ZDHHC13: variants seen among roughly 807,000 people sequenced by gnomAD.
ZDHHC13 encodes zDHHC palmitoyltransferase 13.
In ZDHHC13, 85 loss-of-function variants were observed where a neutral mutation model predicts 86.0. The observed-to-expected ratio is 0.99, with a 90% CI of 0.83 to 1.18. The LOEUF (loss-of-function observed/expected upper bound fraction) is 1.18, where lower values mean the gene tolerates loss of function less well. Ranked by LOEUF, ZDHHC13 falls within the 50% of genes most tolerant of loss-of-function variation. The pLI is 0.00. For missense variants in ZDHHC13, 711 were observed against 730.2 expected (o/e 0.97, Z 0.30); for synonymous variants, 263 against 246.4 (o/e 1.07, Z -0.63).
chr11:19,147,482 A>G (rs1056408696), intron 3 of ZDHHC13, 114 bp from the exon 4 acceptor site: 3 of 850,840 alleles, frequency 3.5e-6, no homozygotes, highest in African/African-American at 1.7e-5. Flanking sequence ...AGGGATTATT[A>G]CTATCATAAT....
chr11:19,148,406 A>G (rs1276672001), intron 4 of ZDHHC13, among the ~76,000 whole-genome samples: 2 of 152,014 alleles, frequency 1.3e-5, no homozygotes, highest in African/African-American at 4.8e-5. Flanking sequence ...AGTACTTTAC[A>G]TGAAAAATGA....
chr11:19,135,502 G>C (rs1849112889), intron 1 of ZDHHC13, among the ~76,000 whole-genome samples: 2 of 152,060 alleles, frequency 1.3e-5, no homozygotes, highest in Admixed American at 6.5e-5. Flanking sequence ...GGGGAGGGGC[G>C]CCCGCCATTG....
chr11:19,137,016 C>G (rs1849161363), intron 1 of ZDHHC13, among the ~76,000 whole-genome samples: 1 of 151,558 alleles, frequency 6.6e-6, no homozygotes, highest in East Asian at 1.9e-4. Flanking sequence ...AACTAACGAG[C>G]AAAATAACCA....
Position 19,163,276 on chromosome 11 carries a change from T to C in ZDHHC13, c.1109-27T>C, listed in dbSNP as rs1379880413. 5 of 1,557,620 alleles carry C rather than the reference T, an allele frequency of 3.2e-6. No homozygotes were observed. In the Admixed American group the frequency reaches 8.8e-5, roughly 27 times the overall value. On this transcript the variant is annotated intron_variant, in intron 10 of 16. Transcript: ENST00000446113. ...AATTACATTATTTTTAAAGGAAGTT[T>C]GGTGTATTCCTTAACTTGGCTTTAA...
intron 9 of ZDHHC13, among the ~76,000 whole-genome samples, chr11:19,156,345 T>C (rs552345932): frequency 2.6e-5 from 4 of 152,174 alleles, no homozygotes; most frequent in Non-Finnish European, 4.4e-5. Context: ...TTTAGTTGAG[T>C]TAAATTGTGA....
At chr11:19,130,463 A>G (rs1196226461) in intron 1 of ZDHHC13, among the ~76,000 whole-genome samples, 2 of 152,270 alleles carry the variant, frequency 1.3e-5, no homozygotes, top group African/African-American at 4.8e-5. Context: ...AAACTGATCA[A>G]AGGTTTATCA....
chr11:19,147,248 G>A (rs1421842353), intron 3 of ZDHHC13, among the ~76,000 whole-genome samples: 1 of 152,130 alleles, frequency 6.6e-6, no homozygotes, highest in East Asian at 1.9e-4. Context: ...TTCCAGTCAA[G>A]TAAGAATATC....
At chr11:19,147,772 TCCCC>T in intron 4 of ZDHHC13, 99 bp downstream of exon 4, 1 of 406,044 alleles carries the variant, frequency 2.5e-6, no homozygotes, top group Non-Finnish European at 4.0e-6. Flanking sequence ...TGTCTTTTCT[TCCCC>T]CCCCCCCTTT....
At chr11:19,168,697 A>G (rs1447845351) in intron 14 of ZDHHC13, 1 of 571,002 alleles carries the variant, frequency 1.8e-6, no homozygotes, top group Non-Finnish European at 2.2e-6. Context: ...ATGAGGCCTC[A>G]CTGTCATCCC....
chr11:19,127,857 A>G (rs1357800892), intron 1 of ZDHHC13, among the ~76,000 whole-genome samples: 2 of 152,086 alleles, frequency 1.3e-5, no homozygotes, highest in Non-Finnish European at 1.5e-5. Flanking sequence ...TTGTAGTGCT[A>G]TAGTATCGTT....
At chr11:19,127,554 G>GT (rs1017222474) in intron 1 of ZDHHC13, among the ~76,000 whole-genome samples, 2 of 151,980 alleles carry the variant, frequency 1.3e-5, no homozygotes, top group African/African-American at 4.8e-5. Context: ...TATGTCCTAG[G>GT]TTTTTTTCTA....
chr11:19,139,165 C>T (rs1849235054), intron 1 of ZDHHC13, among the ~76,000 whole-genome samples: 1 of 151,860 alleles, frequency 6.6e-6, no homozygotes, highest in South Asian at 2.1e-4. Flanking sequence ...CTAGAAAACC[C>T]CATTGTCTCA....
chr11:19,169,297 G>C (rs1334393607), intron 14 of ZDHHC13: 1 of 985,316 alleles, frequency 1.0e-6, no homozygotes, highest in Non-Finnish European at 1.2e-6. Flanking sequence ...ATCCTAATGA[G>C]ATGCTCTAGA....
chr11:19,147,524 A>C (rs903251605), intron 3 of ZDHHC13, 72 bp from the exon 4 acceptor site: 12 of 1,318,500 alleles, frequency 9.1e-6, no homozygotes, highest in Non-Finnish European at 1.3e-5. Flanking sequence ...ACTATGAAAA[A>C]ATTAGTATTT....
At chr11:19,137,150 G>A (rs1202102857) in intron 1 of ZDHHC13, among the ~76,000 whole-genome samples, 2 of 152,140 alleles carry the variant, frequency 1.3e-5, no homozygotes, top group African/African-American at 4.8e-5. Flanking sequence ...AGACCCATCA[G>A]TGTGCTGTAT....
chr11:19,171,943 A>G (rs557109796), intron 15 of ZDHHC13, among the ~76,000 whole-genome samples: 2 of 152,232 alleles, frequency 1.3e-5, no homozygotes, highest in Non-Finnish European at 2.9e-5. Context: ...GTTGTTGGTT[A>G]GGAGCATGGC....
Position 19,163,371 on chromosome 11 carries a change from A to T in ZDHHC13, c.1177A>T (p.Lys393Ter), listed in dbSNP as rs776001115. ...SIVAFLYFFY[K>*]TWATDPGFTK... The stretch of plus-strand genomic sequence containing the variant: ...AGTAGCCTTTCTATACTTTTTCTAT[A>T]AGACTTGGGCAACTGATCCAGGCTT... The change falls in exon 11 of 17, where the codon AAG becomes TAG. Residue 393 changes from lysine (K) to a stop codon, truncating the protein, a stop_gained. Transcript: ENST00000446113. LOFTEE classifies it high-confidence loss of function. 1 of 1,608,370 alleles carries T rather than the reference A, an allele frequency of 6.2e-7. No individual in the cohort carries two copies. Among genetic ancestry groups the T allele is most frequent in the Non-Finnish European group, 8.5e-7 (1 of 1,177,450 alleles).
At chr11:19,175,704 C>T in intron 16 of ZDHHC13, 118 bp from the exon 17 acceptor site, 2 of 1,191,118 alleles carry the variant, frequency 1.7e-6, no homozygotes, top group South Asian at 3.0e-5. Flanking sequence ...ACCCCATCTA[C>T]CCCTGGATTT....
At position 19,117,192 on chromosome 11, in the gene ZDHHC13, G is replaced by A. The variant is rs1234511543; in HGVS notation, c.-58G>A. On this transcript the variant is annotated 5_prime_UTR_variant, in exon 1 of 17. Coordinates refer to ENST00000446113, the MANE Select transcript of ZDHHC13 (RefSeq NM_019028.3). This position sits in a 1 kb window ranked among gnomAD's most constrained non-coding sequence, Gnocchi z 4.2. ...AAGAGGCGACCCAAGGCGGGCTGGC[G>A]GGCTGGCGGCAGTCGCTACTTGCCT... 2 of 1,526,448 alleles carry A rather than the reference G, an allele frequency of 1.3e-6. No individual in the cohort carries two copies. The highest frequency in any genetic ancestry group is 2.5e-5 in the East Asian group (1 of 39,966). 94.6% of individuals were successfully genotyped at this position (1,526,448 alleles called of 1,614,324 possible).
Sources: allele counts gnomAD v4.1 joint callset (sites outside exome capture counted in the v4.1 genomes callset), GRCh38; gene constraint gnomAD v4.1.1; non-coding constraint Gnocchi (gnomAD v3.1); transcripts MANE v1.5; gene names NCBI Gene and HGNC (gene_info 2026-07-23, HGNC 2026-07-21).